ATP13A4: variants seen among roughly 807,000 people sequenced by gnomAD.
The protein encoded by ATP13A4 is probable cation-transporting ATPase 13A4.
In ATP13A4, 114 loss-of-function variants were observed where a neutral mutation model predicts 142.5. The ratio of observed to expected loss-of-function variants is 0.80; its 90% CI spans 0.69 to 0.93. The LOEUF is 0.93. ATP13A4 is among the 40% of genes least tolerant of loss of function. The pLI is 0.00. For synonymous variants in ATP13A4, 488 were observed against 514.8 expected (o/e 0.95, Z 0.70); for missense variants, 1,392 against 1,454.0 (o/e 0.96, Z 0.69).
chr3:193,496,187 A>G (rs914590628), intron 3 of ATP13A4, among the ~76,000 whole-genome samples: 2 of 152,214 alleles, frequency 1.3e-5, no homozygotes, highest in African/African-American at 4.8e-5. Context: ...CTATCAAAAT[A>G]CCAGTGATAT....
At chr3:193,504,291 G>T (rs918782256) in intron 2 of ATP13A4, among the ~76,000 whole-genome samples, 1 of 152,102 alleles carries the variant, frequency 6.6e-6, no homozygotes, top group African/African-American at 2.4e-5. Context: ...ACATGGTCTA[G>T]GTATGGTAGA....
intron 2 of ATP13A4, among the ~76,000 whole-genome samples, chr3:193,560,051 A>T (rs1723981614): frequency 6.6e-6 from 1 of 152,222 alleles, no homozygotes; most frequent in Non-Finnish European, 1.5e-5. Context: ...AGAGACTATT[A>T]GACTGGGCCT....
At chr3:193,457,749 C>T (rs1028937746) in intron 14 of ATP13A4, among the ~76,000 whole-genome samples, 1 of 152,198 alleles carries the variant, frequency 6.6e-6, no homozygotes, top group Non-Finnish European at 1.5e-5. Context: ...TTCTGAAGAG[C>T]CTAGCTTGAA....
In ATP13A4 at chr3:193,423,804, A is replaced by G. The variant is rs767037953; in HGVS notation, c.2843-9054T>C. 1.7e-4 allele frequency among the ~76,000 whole-genome samples: 25 copies of G among 147,836 alleles called. 1 individual carries two copies. Among genetic ancestry groups the G allele is most frequent in the Admixed American group, 3.6e-4 (5 of 13,906 alleles). On this transcript the variant is annotated intron_variant, in intron 25 of 29. Transcript: ENST00000342695. ...CCCACTTTTGCCACTTCTATTCAAC[A>G]TAGTACTGGAAGTCCTAGCCAGAGC...
intron 1 of ATP13A4, among the ~76,000 whole-genome samples, chr3:193,547,416 G>A (rs541867039): frequency 4.9e-4 from 75 of 152,318 alleles, no homozygotes; most frequent in African/African-American, 1.7e-3. Flanking sequence ...TTCTAATTCA[G>A]TAGGTCTAGA....
chr3:193,570,596 G>A (rs189737), intron 2 of ATP13A4, among the ~76,000 whole-genome samples: 28,448 of 152,116 alleles, frequency 0.19, 2,956 homozygotes, highest in East Asian at 0.33. Flanking sequence ...GACTGGAATA[G>A]AGGCCTAATA....
chr3:193,477,221 G>A (rs1205783983), intron 8 of ATP13A4, among the ~76,000 whole-genome samples: 2 of 152,030 alleles, frequency 1.3e-5, no homozygotes, highest in Non-Finnish European at 2.9e-5. Context: ...TTTAAAAGAT[G>A]TGACAAAGGA....
At chr3:193,523,090 G>A (rs1355522010) in intron 1 of ATP13A4, among the ~76,000 whole-genome samples, 1 of 151,972 alleles carries the variant, frequency 6.6e-6, no homozygotes, top group Admixed American at 6.6e-5. Context: ...ATCACCCGAG[G>A]TCAGGAGTTT....
intron 1 of ATP13A4, among the ~76,000 whole-genome samples, chr3:193,534,904 G>T (rs1722513797): frequency 6.6e-6 from 1 of 151,340 alleles, no homozygotes; most frequent in South Asian, 2.1e-4. Context: ...CAAACCTAAA[G>T]AAATCTACAA....
At chr3:193,418,348 G>T (rs957898846) in intron 25 of ATP13A4, among the ~76,000 whole-genome samples, 7 of 148,104 alleles carry the variant, frequency 4.7e-5, no homozygotes, top group Non-Finnish European at 1.0e-4. Context: ...AAGTCAACTG[G>T]ATGTCAGCAA....
chr3:193,515,486 G>A (rs77558212), intron 1 of ATP13A4, among the ~76,000 whole-genome samples: 2,367 of 152,296 alleles, frequency 0.016, 78 homozygotes, highest in African/African-American at 0.054. Flanking sequence ...TTGCCCTTGG[G>A]AGTTTGGGGT....
intron 1 of ATP13A4, among the ~76,000 whole-genome samples, chr3:193,533,978 T>A (rs1722461926): frequency 6.6e-6 from 1 of 152,162 alleles, no homozygotes; most frequent in South Asian, 2.1e-4. Flanking sequence ...GGAAGCCCAG[T>A]AGAGAGTTAG....
rs377384476 is a variant in ATP13A4, at chr3:193,457,156, G to T, written c.1762-3C>A. On this transcript the variant is annotated splice_region_variant and splice_polypyrimidine_tract_variant and intron_variant, in intron 15 of 29. Coordinates refer to ENST00000342695, the MANE Select transcript of ATP13A4 (RefSeq NM_032279.4). Reference sequence around the variant, plus strand: ...ATTGCAATTCCTTCCACTGGGACCTGGTTGAGGGATGGGGAAAGGAGAGGA... The same window carrying T: ...ATTGCAATTCCTTCCACTGGGACCTTGTTGAGGGATGGGGAAAGGAGAGGA... 1 of 1,612,900 alleles carries T rather than the reference G, an allele frequency of 6.2e-7. No homozygotes were observed. Among genetic ancestry groups the T allele is most frequent in the African/African-American group, 1.3e-5 (1 of 75,014 alleles).
chr3:193,434,219 TC>T (rs1416977406), intron 24 of ATP13A4, among the ~76,000 whole-genome samples: 2 of 152,194 alleles, frequency 1.3e-5, no homozygotes, highest in Non-Finnish European at 2.9e-5. Context: ...ATCTCTGCTC[TC>T]TTTTCTACTT....
chr3:193,526,427 A>G (rs1002362437), intron 1 of ATP13A4, among the ~76,000 whole-genome samples: 1 of 152,168 alleles, frequency 6.6e-6, no homozygotes, highest in African/African-American at 2.4e-5. Flanking sequence ...GGAGGGGAAC[A>G]ACACAACACA....
At chr3:193,554,275 C>T (rs1723763907) in intron 1 of ATP13A4, 1 of 207,196 alleles carries the variant, frequency 4.8e-6, no homozygotes, top group Non-Finnish European at 9.9e-6. Context: ...CCAACAGACT[C>T]GGTGAACAAG....
intron 3 of ATP13A4, among the ~76,000 whole-genome samples, chr3:193,499,475 G>C (rs148300876): frequency 1.3e-4 from 20 of 152,268 alleles, no homozygotes; most frequent in Non-Finnish European, 1.9e-4. Context: ...GTTATGTTTA[G>C]TCTTTTCCAT....
At chr3:193,462,914 G>A in intron 12 of ATP13A4, 91 bp from the exon 13 acceptor site, 2 of 1,297,642 alleles carry the variant, frequency 1.5e-6, no homozygotes, top group Non-Finnish European at 2.2e-6. Flanking sequence ...GGAGGCGGAG[G>A]CAAGAGGATC....
intron 23 of ATP13A4, 44 bp from the exon 24 acceptor site, chr3:193,435,788 G>T (rs753618483): frequency 6.6e-7 from 1 of 1,508,826 alleles, no homozygotes; most frequent in South Asian, 1.1e-5. Flanking sequence ...GTAATGAAAA[G>T]ACATAAGGTC....
Sources: allele counts gnomAD v4.1 joint callset (sites outside exome capture counted in the v4.1 genomes callset), GRCh38; gene constraint gnomAD v4.1.1; transcripts MANE v1.5; gene names NCBI Gene and HGNC (gene_info 2026-07-23, HGNC 2026-07-21).